Variants in PTAR1 observed in about 807,000 individuals in gnomAD.
PTAR1 encodes the protein protein prenyltransferase alpha subunit repeat containing 1, also known as protein prenyltransferase alpha subunit repeat-containing protein 1.
Under a neutral mutation model 45.5 loss-of-function variants are expected in PTAR1, and 17 were observed. The ratio of observed to expected loss-of-function variants is 0.37; its 90% CI spans 0.26 to 0.56. The LOEUF is 0.56. PTAR1 is among the 20% of genes least tolerant of loss of function. The pLI is 0.77. For synonymous variants in PTAR1, 169 were observed against 171.3 expected (o/e 0.99, Z 0.11); for missense variants, 391 against 476.3 (o/e 0.82, Z 1.67).
At chr9:69,728,825 T>C (rs1215765755) in intron 5 of PTAR1, among the ~76,000 whole-genome samples, 1 of 152,204 alleles carries the variant, frequency 6.6e-6, no homozygotes, top group East Asian at 1.9e-4. Context: ...CACCCTATAC[T>C]ACTTTTAATC....
chr9:69,734,603 A>T (rs971643575), intron 3 of PTAR1, among the ~76,000 whole-genome samples: 1 of 152,128 alleles, frequency 6.6e-6, no homozygotes, highest in East Asian at 1.9e-4. Context: ...GAGACCTGAT[A>T]TCGTACCTAT....
At position 69,734,258 on chromosome 9, in the gene PTAR1, TAAAAAAAAAAAAAAA is replaced by T; in HGVS notation, c.324-19_324-5del. On this transcript the variant is annotated splice_polypyrimidine_tract_variant and splice_region_variant and intron_variant, in intron 3 of 7. Transcript: ENST00000340434. ...GCCAGAGAGGATCAGCTCTTTCCTG[TAAAAAAAAAAAAAAA>T]AAAAAAAAAAAATTAAACATTACTT... 7 of 206,928 alleles carry T rather than the reference TAAAAAAAAAAAAAAA, an allele frequency of 3.4e-5. No homozygotes were observed. The highest frequency in any genetic ancestry group is 4.0e-5 in the Non-Finnish European group (5 of 124,728). 12.8% of individuals were successfully genotyped at this position (206,928 alleles called of 1,614,324 possible).
At chr9:69,726,922 TC>T (rs1406710522) in intron 5 of PTAR1, among the ~76,000 whole-genome samples, 1 of 151,538 alleles carries the variant, frequency 6.6e-6, no homozygotes, top group Non-Finnish European at 1.5e-5. Flanking sequence ...TTTTTTAAAT[TC>T]TTTTTTTTTT....
At chr9:69,718,811 T>A (rs1027897794) in intron 6 of PTAR1, 127 bp from the exon 7 acceptor site, 30 of 628,426 alleles carry the variant, frequency 4.8e-5, no homozygotes, top group Non-Finnish European at 6.4e-5. Flanking sequence ...ATAACCAAGT[T>A]ATACAGAGGA....
At chr9:69,730,402 C>A (rs1825480266) in intron 5 of PTAR1, among the ~76,000 whole-genome samples, 1 of 151,758 alleles carries the variant, frequency 6.6e-6, no homozygotes, top group African/African-American at 2.4e-5. Context: ...AGGTCCACAT[C>A]ATGGCAGAAA....
Position 69,718,142 on chromosome 9 carries a change from C to G in PTAR1, c.*200G>C. 1 of 503,788 alleles carries G rather than the reference C, an allele frequency of 2.0e-6. No individual in the cohort carries two copies. The highest frequency in any genetic ancestry group is 3.5e-5 in the South Asian group (1 of 28,616). The allele number at this position is 503,788 out of a possible 1,614,324, so 31.2% of individuals were successfully genotyped here. On this transcript the variant is annotated 3_prime_UTR_variant, in exon 8 of 8. Transcript: ENST00000340434. ...AGACTCGCTGTTCAGCAGGAAGGAA[C>G]TATACGATTATTTTATCCCCACAGG...
At chr9:69,754,530 A>ATATTTTTTTTTTTTTTT (rs1588489795) in intron 1 of PTAR1, among the ~76,000 whole-genome samples, 1 of 117,222 alleles carries the variant, frequency 8.5e-6, no homozygotes, top group Non-Finnish European at 1.7e-5. Flanking sequence ...TTGGGTATAT[A>ATATTTTTTTTTTTTTTT]TCTTTTTTTT....
chr9:69,724,976 G>A (rs1280306606), intron 5 of PTAR1, among the ~76,000 whole-genome samples: 3 of 152,122 alleles, frequency 2.0e-5, no homozygotes, highest in Non-Finnish European at 1.5e-5. Flanking sequence ...TAGCTGGCAA[G>A]TATCTGAGAA....
intron 3 of PTAR1, among the ~76,000 whole-genome samples, chr9:69,736,649 T>A (rs1246571563): frequency 6.6e-6 from 1 of 152,222 alleles, no homozygotes; most frequent in Non-Finnish European, 1.5e-5. Flanking sequence ...TGTCTACCTT[T>A]ATTCCCATAT....
chr9:69,718,306 C>T lies in PTAR1; in HGVS notation c.*36G>A, dbSNP rs765449636. ...AATAATAAAAGAAAGCAATATTGCA[C>T]TAAAAGGGGAACCTTGTAGGACTAA... On this transcript the variant is annotated 3_prime_UTR_variant, in exon 8 of 8. Coordinates refer to ENST00000340434, the MANE Select transcript of PTAR1 (RefSeq NM_001099666.2). 6.8e-7 allele frequency: 1 copy of T among 1,460,650 alleles called. No homozygotes were observed. Among genetic ancestry groups the T allele is most frequent in the Non-Finnish European group, 9.3e-7 (1 of 1,074,642 alleles). The allele number at this position is 1,460,650 out of a possible 1,614,324, so 90.5% of individuals were successfully genotyped here.
At chr9:69,731,881 T>C in intron 5 of PTAR1, 1 of 493,522 alleles carries the variant, frequency 2.0e-6, no homozygotes, top group Non-Finnish European at 3.6e-6. Context: ...TGAGTTATGC[T>C]CAATCTTCCT....
Position 69,741,835 on chromosome 9 carries a change from G to T in PTAR1, c.280C>A (p.Leu94Met). The T allele has an allele frequency of 6.3e-7, 1 of 1,598,672 alleles. No homozygotes were observed. Among genetic ancestry groups the T allele is most frequent in the East Asian group, 2.2e-5 (1 of 44,588 alleles). Residue 94 changes from leucine (L) to methionine (M), a missense_variant, in exon 3 of 8, where the codon CTG becomes ATG. Transcript: ENST00000340434. ...GTAAAGTCTGGGTTTAGAAGCAGCA[G>T]GGTACATGTGACATCTATCAATTCT... ...RDELIDVTCT[L>M]LLLNPDFTTA...
rs1445506159 is a variant in PTAR1 at position 69,710,379 on chromosome 9, T to C, written c.*7963A>G. On this transcript the variant is annotated 3_prime_UTR_variant, in exon 8 of 8. Transcript: ENST00000340434. ...TGTTATTAAAATTAATTTTGCTTGT[T>C]TCTTTTTTAATATGGCTACTAGAAA... The C allele has an allele frequency of 1.3e-5, 2 of 152,160 alleles. No homozygotes were observed. The highest frequency in any genetic ancestry group is 1.9e-4 in the East Asian group (1 of 5,204). 9.4% of individuals were successfully genotyped at this position (152,160 alleles called of 1,614,324 possible).
At chr9:69,740,655 A>T (rs10118634) in intron 3 of PTAR1, among the ~76,000 whole-genome samples, 1 of 98,150 alleles carries the variant, frequency 1.0e-5, no homozygotes, top group Non-Finnish European at 2.1e-5. Context: ...AACAAAGGGG[A>T]AAAAAAAAAA....
chr9:69,712,322 C>A lies in PTAR1; in HGVS notation c.*6020G>T, dbSNP rs188116573. The stretch of plus-strand genomic sequence containing the variant: ...TATCTGGTTAATTTGGGCAAATGAG[C>A]ACTTGTGTTTGGTTTCTAACTTTGC... On this transcript the variant is annotated 3_prime_UTR_variant, in exon 8 of 8. Coordinates refer to ENST00000340434, the MANE Select transcript of PTAR1 (RefSeq NM_001099666.2). 6.6e-6 allele frequency: 1 copy of A among 152,192 alleles called. No homozygotes were observed. Among genetic ancestry groups the A allele is most frequent in the African/African-American group, 2.4e-5 (1 of 41,536 alleles). 9.4% of individuals were successfully genotyped at this position (152,192 alleles called of 1,614,324 possible). A position where few individuals can be genotyped will look rare whatever the true frequency, so the allele number is the denominator to read the frequency against.
In PTAR1 at chr9:69,717,218, T is replaced by C. The variant is rs2134067722; in HGVS notation, c.*1124A>G. On this transcript the variant is annotated 3_prime_UTR_variant, in exon 8 of 8. Coordinates refer to ENST00000340434, the MANE Select transcript of PTAR1 (RefSeq NM_001099666.2). ...CTTCATGATAATTTTATAGTTTCCA[T>C]AGTGTATCCTCAATAATTTAGATTT... 6.6e-6 allele frequency: 1 copy of C among 152,354 alleles called. No individual in the cohort carries two copies. Among genetic ancestry groups the C allele is most frequent in the South Asian group, 2.1e-4 (1 of 4,828 alleles). 9.4% of individuals were successfully genotyped at this position (152,354 alleles called of 1,614,324 possible).
chr9:69,733,478 C>A (rs1358983643), intron 4 of PTAR1, among the ~76,000 whole-genome samples: 1 of 152,150 alleles, frequency 6.6e-6, no homozygotes, highest in East Asian at 1.9e-4. Flanking sequence ...CCCACACCAT[C>A]CCATTTTGGT....
At chr9:69,755,965 G>A (rs189121228) in intron 1 of PTAR1, among the ~76,000 whole-genome samples, 6 of 152,074 alleles carry the variant, frequency 3.9e-5, no homozygotes, top group African/African-American at 7.2e-5. Context: ...ATTTTACAGA[G>A]GAAGAGTCTT....
chr9:69,725,789 AAGAC>A (rs989279088), intron 5 of PTAR1, among the ~76,000 whole-genome samples: 2 of 152,054 alleles, frequency 1.3e-5, no homozygotes, highest in Non-Finnish European at 2.9e-5. Context: ...TTTTTTAAAA[AAGAC>A]AGCAATTACT....
Sources: allele counts gnomAD v4.1 joint callset (sites outside exome capture counted in the v4.1 genomes callset), GRCh38; gene constraint gnomAD v4.1.1; transcripts MANE v1.5; gene names NCBI Gene and HGNC (gene_info 2026-07-23, HGNC 2026-07-21).